The following RIMS2 variants were observed in gnomAD, a reference collection of about 807,000 sequenced individuals.
RIMS2 encodes the protein regulating synaptic membrane exocytosis 2, also known as regulating synaptic membrane exocytosis protein 2.
Under a neutral mutation model 174.4 loss-of-function variants are expected in RIMS2, and 59 were observed. The observed-to-expected ratio is 0.34, with a 90% CI of 0.27 to 0.42. The LOEUF (loss-of-function observed/expected upper bound fraction) is 0.42. Among genes scored for constraint, RIMS2 ranks in the 10% least tolerant of loss-of-function variants. The pLI is 1.00. For synonymous variants in RIMS2, 606 were observed against 572.5 expected (o/e 1.06, Z -0.84); for missense variants, 1,620 against 1,666.3 (o/e 0.97, Z 0.48).
At chr8:103,772,572 T>C (rs2098266110) in intron 3 of RIMS2, among the ~76,000 whole-genome samples, 1 of 152,098 alleles carries the variant, frequency 6.6e-6, no homozygotes, top group South Asian at 2.1e-4. Context: ...CTCAATATTG[T>C]TAAGATGTCT....
chr8:103,955,067 A>C (rs2086707582), intron 14 of RIMS2, among the ~76,000 whole-genome samples: 1 of 152,220 alleles, frequency 6.6e-6, no homozygotes, highest in South Asian at 2.1e-4. Context: ...CAAATCCCTG[A>C]ATAGACCAAT....
chr8:103,883,478 ATGTT>A (rs1206094029), intron 3 of RIMS2, among the ~76,000 whole-genome samples: 2 of 151,848 alleles, frequency 1.3e-5, no homozygotes, highest in African/African-American at 4.8e-5. Flanking sequence ...ATTTTTTTGA[ATGTT>A]TTGTTTTGAT....
At chr8:104,086,360 T>C (rs1200786786) in intron 19 of RIMS2, among the ~76,000 whole-genome samples, 1 of 151,744 alleles carries the variant, frequency 6.6e-6, no homozygotes, top group African/African-American at 2.4e-5. Flanking sequence ...TAAATTCATT[T>C]GTTAAGGGCA....
chr8:104,185,625 T>C (rs1430742161), intron 19 of RIMS2, among the ~76,000 whole-genome samples: 1 of 151,608 alleles, frequency 6.6e-6, no homozygotes, highest in Admixed American at 6.6e-5. Context: ...CTAACAGATA[T>C]ATGAGACAAT....
intron 3 of RIMS2, among the ~76,000 whole-genome samples, chr8:103,814,559 A>G (rs1349471978): frequency 6.6e-6 from 1 of 152,166 alleles, no homozygotes; most frequent in Admixed American, 6.5e-5. Flanking sequence ...TTGAATTATT[A>G]CAGAATTTTA....
At chr8:103,579,544 A>C (rs2132717547) in intron 1 of RIMS2, among the ~76,000 whole-genome samples, 1 of 152,296 alleles carries the variant, frequency 6.6e-6, no homozygotes, top group South Asian at 2.1e-4. Flanking sequence ...AGACAACATA[A>C]AGTAAAAATG....
At chr8:104,214,071 T>C (rs1026146477) in intron 19 of RIMS2, among the ~76,000 whole-genome samples, 1 of 152,120 alleles carries the variant, frequency 6.6e-6, no homozygotes, top group Non-Finnish European at 1.5e-5. Flanking sequence ...TGAAATGTTA[T>C]TCCATTAGAA....
In RIMS2 at chr8:104,251,100, G is replaced by T; in HGVS notation, c.3768G>T (p.Thr1256=). ...AGAAAACAAAAGTGGCAAGAAAAAC[G>T]CTGGAACCCCTTTACCAGCAGCTAT... The change falls in exon 23 of 24, where the codon ACG becomes ACT. Residue 1256 remains threonine, a synonymous_variant. Transcript: ENST00000504942. The T allele has an allele frequency of 2.5e-6, 4 of 1,613,522 alleles. No individual in the cohort carries two copies. In the South Asian group the frequency reaches 3.3e-5, roughly 13 times the overall value.
chr8:103,965,675 T>C (rs2091610334), intron 15 of RIMS2, among the ~76,000 whole-genome samples: 1 of 152,116 alleles, frequency 6.6e-6, no homozygotes, highest in Non-Finnish European at 1.5e-5. Flanking sequence ...TCCAGTACAG[T>C]GTTGAATACA....
intron 15 of RIMS2, among the ~76,000 whole-genome samples, chr8:103,972,678 T>C (rs761098043): frequency 1.7e-4 from 26 of 152,140 alleles, no homozygotes; most frequent in Non-Finnish European, 3.8e-4. Flanking sequence ...TTGGGGCCTT[T>C]TCACTTGTCT....
At chr8:104,069,299 T>C (rs1231707790) in intron 19 of RIMS2, among the ~76,000 whole-genome samples, 1 of 152,158 alleles carries the variant, frequency 6.6e-6, no homozygotes, top group East Asian at 1.9e-4. Flanking sequence ...AGTGGGTTCA[T>C]TGGGACATAA....
chr8:104,021,879 G>T (rs1439348969), intron 19 of RIMS2, among the ~76,000 whole-genome samples: 1 of 152,166 alleles, frequency 6.6e-6, no homozygotes, highest in East Asian at 1.9e-4. Flanking sequence ...TTCAAAGATA[G>T]TTTGGTGGGC....
chr8:103,739,568 A>G (rs942103402), intron 2 of RIMS2, among the ~76,000 whole-genome samples: 1 of 152,210 alleles, frequency 6.6e-6, no homozygotes, highest in African/African-American at 2.4e-5. Context: ...TTAAAATTTT[A>G]AAAATTGTGT....
At chr8:103,661,178 A>T (rs977646218) in intron 1 of RIMS2, among the ~76,000 whole-genome samples, 17 of 152,212 alleles carry the variant, frequency 1.1e-4, no homozygotes, top group African/African-American at 4.1e-4. Context: ...TGTCTGTGAG[A>T]TTCAGCTATA....
At chr8:104,099,396 G>A (rs1473615392) in intron 19 of RIMS2, among the ~76,000 whole-genome samples, 2 of 151,998 alleles carry the variant, frequency 1.3e-5, no homozygotes, top group Non-Finnish European at 2.9e-5. Flanking sequence ...TATCACCAAG[G>A]CTATCTTCTA....
intron 19 of RIMS2, among the ~76,000 whole-genome samples, chr8:104,059,750 A>G (rs2096943119): frequency 1.3e-5 from 2 of 151,738 alleles, no homozygotes; most frequent in African/African-American, 2.4e-5. Flanking sequence ...TCCCATCAAT[A>G]CCTAATTTAT....
chr8:103,920,262 G>A (rs1450392824), intron 9 of RIMS2, among the ~76,000 whole-genome samples: 1 of 151,968 alleles, frequency 6.6e-6, no homozygotes, highest in Non-Finnish European at 1.5e-5. Context: ...GTAATTGCCA[G>A]CTGTATGACT....
chr8:104,018,395 T>C (rs1446966886), intron 19 of RIMS2, among the ~76,000 whole-genome samples: 3 of 152,226 alleles, frequency 2.0e-5, no homozygotes, highest in African/African-American at 4.8e-5. Flanking sequence ...TAGATTGTTT[T>C]TCACAACTAA....
chr8:104,026,692 G>T (rs1051696062), intron 19 of RIMS2, among the ~76,000 whole-genome samples: 1 of 152,090 alleles, frequency 6.6e-6, no homozygotes, highest in Non-Finnish European at 1.5e-5. Context: ...GTTTACAAAG[G>T]AACCAAAAGT....
Sources: gnomAD v4.1 joint callset for allele counts (sites outside exome capture counted in the v4.1 genomes callset) on GRCh38, gnomAD v4.1.1 for gene constraint, MANE v1.5 for transcripts, NCBI Gene and HGNC (gene_info 2026-07-23, HGNC 2026-07-21) for gene names.